The following MEGF6 variants were observed in gnomAD, a reference collection of about 807,000 sequenced individuals.
MEGF6 encodes the protein multiple epidermal growth factor-like domains protein 6.
Under a neutral mutation model 207.1 loss-of-function variants are expected in MEGF6, and 184 were observed. That is an observed-to-expected ratio of 0.89 (90% CI 0.79 to 1.00). MEGF6 has a LOEUF of 1.00. MEGF6 is among the 50% of genes least tolerant of loss of function. The pLI is 0.00. For missense variants in MEGF6, 2,282 were observed against 2,202.9 expected (o/e 1.04, Z -0.72); for synonymous variants, 1,038 against 910.0 (o/e 1.14, Z -2.53).
chr1:3,594,195 G>A lies in MEGF6; in HGVS notation c.376+1143C>T, dbSNP rs1012231212. ...TGTAATCCCAGCACTTTGGAAGGCCGAGGTGGAAGGATCGCTTGAGCCTAG... is the reference window on the plus strand; with the variant it reads ...TGTAATCCCAGCACTTTGGAAGGCCAAGGTGGAAGGATCGCTTGAGCCTAG... On this transcript the variant is annotated intron_variant, in intron 3 of 36. Transcript: ENST00000356575. The surrounding 1 kb of genome is among the most constrained non-coding windows in gnomAD (Gnocchi z 4.2). Among the ~76,000 whole-genome samples, 18 of 152,246 alleles carry A rather than the reference G, an allele frequency of 1.2e-4. No individual in the cohort carries two copies. Among genetic ancestry groups the A allele is most frequent in the African/African-American group, 1.7e-4 (7 of 41,470 alleles).
intron 3 of MEGF6, among the ~76,000 whole-genome samples, chr1:3,592,160 C>A (rs1643989527): frequency 6.6e-6 from 1 of 152,298 alleles, no homozygotes; most frequent in Admixed American, 6.5e-5. Context: ...GGAGAGCAGC[C>A]GGTCTAGAGA....
At chr1:3,607,589 G>C (rs901977866) in intron 1 of MEGF6, among the ~76,000 whole-genome samples, 1 of 152,202 alleles carries the variant, frequency 6.6e-6, no homozygotes, top group Non-Finnish European at 1.5e-5. Flanking sequence ...AAGGTGGCAG[G>C]GGAAGGGCAG....
Position 3,509,140 on chromosome 1 carries a change from T to C in MEGF6, c.1463A>G (p.Asp488Gly). Reference protein sequence around the residue: ...QDELPQLFQDDDVGADEEEAE... With the variant: ...QDELPQLFQDGDVGADEEEAE... ...CTCTTCCTCATCGGCCCCGACGTCG[T>C]CATCCTGGAAGAGTTGCGGCAGCTC... The change falls in exon 12 of 37, where the codon GAC (aspartate) becomes GGC (glycine). Residue 488 changes from aspartate to glycine, a missense_variant. Coordinates refer to ENST00000356575, the MANE Select transcript of MEGF6 (RefSeq NM_001409.4). The C allele has an allele frequency of 6.3e-7, 1 of 1,597,770 alleles. No homozygotes were observed. Among genetic ancestry groups the C allele is most frequent in the Non-Finnish European group, 8.5e-7 (1 of 1,173,002 alleles).
At chr1:3,618,745 C>T in the MEGF6 span, among the ~76,000 whole-genome samples, 2 of 152,310 alleles carry the variant, frequency 1.3e-5, no homozygotes, top group East Asian at 1.9e-4. The surrounding 1 kb of genome is among the most constrained non-coding windows in gnomAD (Gnocchi z 4.7). Flanking sequence ...CGTACACAGC[C>T]CTGGGACCCG....
intron 4 of MEGF6, among the ~76,000 whole-genome samples, chr1:3,536,158 C>A (rs1014323643): frequency 2.0e-5 from 3 of 152,224 alleles, no homozygotes; most frequent in African/African-American, 7.2e-5. Flanking sequence ...CCGATGCATC[C>A]TTCAAAGACA....
Position 3,611,477 on chromosome 1 carries a change from G to T in MEGF6, c.-209C>A, listed in dbSNP as rs1644325997. The T allele has an allele frequency of 3.5e-6, 2 of 579,428 alleles. No individual in the cohort carries two copies. The highest frequency in any genetic ancestry group is 2.0e-5 in the African/African-American group (1 of 50,650). 35.9% of individuals were successfully genotyped at this position (579,428 alleles called of 1,614,324 possible). A position where few individuals can be genotyped will look rare whatever the true frequency, so the allele number is the denominator to read the frequency against. On this transcript the variant is annotated 5_prime_UTR_variant, in exon 1 of 37. Transcript: ENST00000356575. ...GAGACCTGATCGCCGGGTCCACCCTGCAGGAACTCGCCCCGGCGCGTTGAG... is the reference window on the plus strand; with the variant it reads ...GAGACCTGATCGCCGGGTCCACCCTTCAGGAACTCGCCCCGGCGCGTTGAG...
chr1:3,537,188 GC>G (rs934760820), intron 4 of MEGF6, among the ~76,000 whole-genome samples: 1 of 152,240 alleles, frequency 6.6e-6, no homozygotes, highest in African/African-American at 2.4e-5. Context: ...GGGGGCCAAG[GC>G]CCCAGGCAGC....
At chr1:3,589,573 T>G (rs1643944154) in intron 3 of MEGF6, among the ~76,000 whole-genome samples, 1 of 152,164 alleles carries the variant, frequency 6.6e-6, no homozygotes, top group Non-Finnish European at 1.5e-5. Flanking sequence ...CCCTTCCTCC[T>G]GCCTCACTTT....
chr1:3,557,578 C>CA (rs1643072330), intron 4 of MEGF6, among the ~76,000 whole-genome samples: 1 of 152,222 alleles, frequency 6.6e-6, no homozygotes, highest in Non-Finnish European at 1.5e-5. Context: ...ATTCCAACCC[C>CA]AATTCCCATC....
Position 3,499,823 on chromosome 1 carries a change from C to T in MEGF6, c.2809G>A (p.Gly937Ser), listed in dbSNP as rs756666239. ...HVSGACTCPAGWRGTFCEHAC... is the reference protein window; with the variant it reads ...HVSGACTCPASWRGTFCEHAC... ...TGCTCGCAGAAGGTGCCCCTCCAGC[C>T]GGCCGGGCAGGTGCAGGCCCCGCTG... The change falls in exon 22 of 37, where the codon GGC (glycine) becomes AGC (serine). Residue 937 changes from glycine (G) to serine (S), a missense_variant. Coordinates refer to ENST00000356575, the MANE Select transcript of MEGF6 (RefSeq NM_001409.4). 29 of 1,553,810 alleles carry T rather than the reference C, an allele frequency of 1.9e-5. 1 individual carries two copies. The African/African-American group carries it at 1.9e-4, about 10-fold the overall frequency.
At chr1:3,580,337 C>G (rs1181586562) in intron 3 of MEGF6, among the ~76,000 whole-genome samples, 1 of 152,144 alleles carries the variant, frequency 6.6e-6, no homozygotes, top group African/African-American at 2.4e-5. Flanking sequence ...GAGGACCCCC[C>G]TCAAGACCCT....
chr1:3,497,898 G>A (rs1358854731), intron 26 of MEGF6, among the ~76,000 whole-genome samples: 13 of 152,196 alleles, frequency 8.5e-5, no homozygotes, highest in African/African-American at 2.9e-4. Context: ...GGAGGCCGGG[G>A]CTTTGAGGAA....
At chr1:3,500,803 C>T (rs780033012) in intron 20 of MEGF6, 39 bp from the exon 21 acceptor site, 9 of 1,596,644 alleles carry the variant, frequency 5.6e-6, no homozygotes, top group Middle Eastern at 1.8e-4. Context: ...CAGGCCCAAG[C>T]GCGGGCCACG....
chr1:3,597,570 G>A (rs1024803672), intron 2 of MEGF6, among the ~76,000 whole-genome samples: 1 of 152,232 alleles, frequency 6.6e-6, no homozygotes, highest in African/African-American at 2.4e-5. Flanking sequence ...CACAGTGGAT[G>A]GGGGACCCTA....
chr1:3,511,946 T>C, intron 8 of MEGF6, 60 bp downstream of exon 8: 1 of 1,608,292 alleles, frequency 6.2e-7, no homozygotes, highest in Non-Finnish European at 8.5e-7. Flanking sequence ...GGCCTCGGGG[T>C]CCTGGGGAGC....
upstream of MEGF6, among the ~76,000 whole-genome samples, chr1:3,615,071 C>A (rs1244865303): frequency 1.3e-5 from 2 of 152,232 alleles, no homozygotes; most frequent in East Asian, 1.9e-4. Flanking sequence ...CTCATCTTTC[C>A]CCTGAAAATT....
chr1:3,515,797 G>C (rs967238168), intron 5 of MEGF6, among the ~76,000 whole-genome samples: 23 of 152,224 alleles, frequency 1.5e-4, no homozygotes, highest in African/African-American at 5.5e-4. Context: ...CCTGATCGAG[G>C]GCTGGACACA....
rs925372625 is a variant in MEGF6 at position 3,495,991 on chromosome 1, T to G, written c.3770A>C (p.Asn1257Thr). The change falls in exon 30 of 37, where the codon AAC becomes ACC. Residue 1257 changes from asparagine (N) to threonine (T), a missense_variant. Transcript: ENST00000356575. ...LTCPQGRFGPNCTHVCGCGQG... is the reference protein window; with the variant it reads ...LTCPQGRFGPTCTHVCGCGQG... Reference sequence around the variant, plus strand: ...CCCACACCCACACACGTGGGTGCAGTTGGGGCCGAAGCGGCCCTGCGGACA... The same window carrying G: ...CCCACACCCACACACGTGGGTGCAGGTGGGGCCGAAGCGGCCCTGCGGACA... 1.9e-5 allele frequency: 29 copies of G among 1,552,198 alleles called. No individual in the cohort carries two copies. The highest frequency in any genetic ancestry group is 2.5e-5 in the Non-Finnish European group (29 of 1,156,324).
intron 3 of MEGF6, among the ~76,000 whole-genome samples, chr1:3,587,453 T>A (rs745445991): frequency 7.9e-5 from 12 of 152,266 alleles, no homozygotes; most frequent in Non-Finnish European, 5.9e-5. Context: ...GTGACTTTGT[T>A]TGTTGTGAAA....
Sources: allele counts gnomAD v4.1 joint callset (sites outside exome capture counted in the v4.1 genomes callset), GRCh38; gene constraint gnomAD v4.1.1; non-coding constraint Gnocchi (gnomAD v3.1); transcripts MANE v1.5; gene names NCBI Gene and HGNC (gene_info 2026-07-23, HGNC 2026-07-21).